FKBP5: variants seen among roughly 807,000 people sequenced by gnomAD.
The protein encoded by FKBP5 is FKBP prolyl isomerase 5.
FKBP5 carries 23 observed loss-of-function variants against 50.5 expected under a neutral mutation model. The observed-to-expected ratio is 0.46, with a 90% CI of 0.33 to 0.65. FKBP5 has a LOEUF of 0.65. Ranked by LOEUF, FKBP5 falls within the 30% of genes least tolerant of loss-of-function variation. FKBP5 has a pLI of 0.02. For missense variants in FKBP5, 411 were observed against 553.1 expected, an observed-to-expected ratio of 0.74 and a Z score of 2.58; for synonymous variants, 176 against 190.6, an observed-to-expected ratio of 0.92 and a Z score of 0.63.
At chr6:35,585,986 A>T in intron 8 of FKBP5, 1 of 985,180 alleles carries the variant, frequency 1.0e-6, no homozygotes, top group South Asian at 4.7e-5. Flanking sequence ...CTTATAGCAG[A>T]TGCCCCATAA....
intron 6 of FKBP5, among the ~76,000 whole-genome samples, chr6:35,596,409 T>C (rs760957534): frequency 3.3e-5 from 5 of 152,110 alleles, no homozygotes; most frequent in African/African-American, 7.2e-5. Flanking sequence ...TAAACTGCCA[T>C]TGGATTACTA....
At chr6:35,620,003 G>T in intron 4 of FKBP5, 129 bp downstream of exon 4, 1 of 1,138,516 alleles carries the variant, frequency 8.8e-7, no homozygotes, top group Non-Finnish European at 1.3e-6. Context: ...AAGAAGCCAT[G>T]CTCCAAAATA....
At chr6:35,591,042 T>C in intron 7 of FKBP5, 88 bp downstream of exon 7, 1 of 826,994 alleles carries the variant, frequency 1.2e-6, no homozygotes, top group South Asian at 1.6e-5. Flanking sequence ...CATCTATCTA[T>C]ACCACCTACT....
chr6:35,631,835 G>C (rs1162539711), intron 3 of FKBP5, among the ~76,000 whole-genome samples: 1 of 151,612 alleles, frequency 6.6e-6, no homozygotes, highest in Non-Finnish European at 1.5e-5. Flanking sequence ...TGCACCTGTA[G>C]TCCCAGCTAC....
At chr6:35,719,000 A>C (rs1282263964) in intron 2 of FKBP5, among the ~76,000 whole-genome samples, 1 of 152,308 alleles carries the variant, frequency 6.6e-6, no homozygotes, top group East Asian at 1.9e-4. Flanking sequence ...CTAGCAGAAC[A>C]GGAGGCAGCT....
chr6:35,687,122 G>C (rs1765849674), intron 1 of FKBP5, among the ~76,000 whole-genome samples: 1 of 152,126 alleles, frequency 6.6e-6, no homozygotes, highest in South Asian at 2.1e-4. Context: ...ATCAAGATTA[G>C]CAACTTTGTT....
In FKBP5 at chr6:35,701,495, G is replaced by A. The variant is rs374539168; in HGVS notation, c.-20+18833C>T. On this transcript the variant is annotated intron_variant, in intron 2 of 11. Coordinates refer to the FKBP5 transcript ENST00000536438. ...CCTGACCTCGTGATCCGCCCGCCTC[G>A]GCCTCCCAAAGTGCTGGGATTACAG... Among the ~76,000 whole-genome samples, 293 of 151,650 alleles carry A rather than the reference G, an allele frequency of 1.9e-3. 1 individual carries two copies. Among genetic ancestry groups the A allele is most frequent in the Non-Finnish European group, 3.4e-3 (233 of 67,898 alleles).
At chr6:35,588,668 G>A (rs1443201794) in intron 7 of FKBP5, among the ~76,000 whole-genome samples, 1 of 150,280 alleles carries the variant, frequency 6.7e-6, no homozygotes, top group Non-Finnish European at 1.5e-5. Context: ...TGGCACGATC[G>A]CGGCTCACTG....
chr6:35,710,979 G>A (rs1378020592), intron 2 of FKBP5, among the ~76,000 whole-genome samples: 1 of 152,158 alleles, frequency 6.6e-6, no homozygotes, highest in Admixed American at 6.6e-5. Context: ...AGACTGGACC[G>A]GGTAGGGATG....
chr6:35,727,199 T>A (rs1361006468), intron 1 of FKBP5, among the ~76,000 whole-genome samples: 1 of 152,192 alleles, frequency 6.6e-6, no homozygotes, highest in Non-Finnish European at 1.5e-5. Context: ...ATGGTGACAT[T>A]CTTTAGCAGG....
chr6:35,679,448 T>C (rs1009767926), intron 1 of FKBP5, among the ~76,000 whole-genome samples: 4 of 152,248 alleles, frequency 2.6e-5, no homozygotes, highest in East Asian at 3.8e-4. Context: ...GTTTATTACA[T>C]GGAAGAAGTT....
At position 35,703,717 on chromosome 6, in the gene FKBP5, G is replaced by A. The variant is rs201482090; in HGVS notation, c.-20+16611C>T. ...AGAACTCAGATTCCCAGCCTCCCTT[G>A]CAGCTAGAACATTGACATGTGACCC... On this transcript the variant is annotated intron_variant, in intron 2 of 11. Transcript: ENST00000536438. Among the ~76,000 whole-genome samples the A allele has an allele frequency of 1.4e-4, 22 of 152,236 alleles. No homozygotes were observed. In the South Asian group the frequency reaches 4.4e-3, roughly 30 times the overall value.
intron 7 of FKBP5, among the ~76,000 whole-genome samples, chr6:35,589,045 AGTATGTGTGT>A (rs998955014): frequency 6.9e-5 from 10 of 144,016 alleles, no homozygotes; most frequent in East Asian, 2.0e-4. Context: ...CTGGAATATA[AGTATGTGTGT>A]GTATGTGTGT....
rs1371393889 is a variant in FKBP5 at position 35,608,621 on chromosome 6, A to G, written c.508+10475T>C. 3.3e-5 allele frequency among the ~76,000 whole-genome samples: 5 copies of G among 152,150 alleles called. No homozygotes were observed. The South Asian group carries it at 1.0e-3, about 32-fold the overall frequency. On this transcript the variant is annotated intron_variant, in intron 5 of 10. Coordinates refer to ENST00000357266, the MANE Select transcript of FKBP5 (RefSeq NM_004117.4). ...AGGATGGCTTGAGGGCAGGAATTTG[A>G]GGCTGCAGTGAGCCACAACTGTGCC...
chr6:35,679,100 C>A (rs1263117319), intron 1 of FKBP5, among the ~76,000 whole-genome samples: 1 of 152,064 alleles, frequency 6.6e-6, no homozygotes, highest in Non-Finnish European at 1.5e-5. Context: ...ATATGAAATA[C>A]AAATAACCAA....
chr6:35,694,116 G>A (rs1355188590), intron 2 of FKBP5, among the ~76,000 whole-genome samples: 1 of 152,020 alleles, frequency 6.6e-6, no homozygotes, highest in African/African-American at 2.4e-5. Flanking sequence ...TGGGATTACA[G>A]GTGTGAGCCA....
intron 1 of FKBP5, among the ~76,000 whole-genome samples, chr6:35,677,894 C>T (rs1053017389): frequency 1.1e-4 from 16 of 152,026 alleles, no homozygotes; most frequent in Non-Finnish European, 2.1e-4. Flanking sequence ...AGTGACCCTC[C>T]CACCTCAGCC....
chr6:35,623,445 T>G (rs371431870), intron 3 of FKBP5, among the ~76,000 whole-genome samples: 1 of 152,228 alleles, frequency 6.6e-6, no homozygotes, highest in African/African-American at 2.4e-5. Context: ...ATGAGACTAC[T>G]TGTCCATGTA....
At position 35,589,130 on chromosome 6, in the gene FKBP5, T is replaced by G. The variant is rs11758051; in HGVS notation, c.756+2000A>C. Among the ~76,000 whole-genome samples the G allele has an allele frequency of 2.7e-5, 3 of 112,948 alleles. No homozygotes were observed. In the South Asian group the frequency reaches 7.3e-4, roughly 28 times the overall value. The allele number at this position is 112,948 out of a possible 152,430, so 74.1% of individuals were successfully genotyped here. Reference sequence around the variant, plus strand: ...TATTTTTATATATATATATATATATTTTTTTTTTTTTCCTCTGAGACGGAG... The same window carrying G: ...TATTTTTATATATATATATATATATGTTTTTTTTTTTCCTCTGAGACGGAG... On this transcript the variant is annotated intron_variant, in intron 7 of 10. Transcript: ENST00000357266.
Sources: gnomAD v4.1 joint callset for allele counts (sites outside exome capture counted in the v4.1 genomes callset) on GRCh38, gnomAD v4.1.1 for gene constraint, MANE v1.5 for transcripts, NCBI Gene and HGNC (gene_info 2026-07-23, HGNC 2026-07-21) for gene names.